Variants in CORO2B observed in about 807,000 individuals in gnomAD.
CORO2B encodes coronin-2B.
Under a neutral mutation model 58.8 loss-of-function variants are expected in CORO2B, and 26 were observed. The observed-to-expected ratio is 0.44, with a 90% CI of 0.32 to 0.61. CORO2B has a LOEUF of 0.61. Among genes scored for constraint, CORO2B ranks in the 20% least tolerant of loss-of-function variants. CORO2B has a pLI of 0.04. For missense variants in CORO2B, 460 were observed against 645.1 expected, an observed-to-expected ratio of 0.71 and a Z score of 3.11; for synonymous variants, 242 against 253.8, an observed-to-expected ratio of 0.95 and a Z score of 0.44.
At position 68,631,965 on chromosome 15, in the gene CORO2B, G is replaced by A. The variant is rs139869174; in HGVS notation, c.16-13195G>A. ...TGCCATCCCTCAGCATCGCTGGAGT[G>A]GGCTCTCTCTTGGTTGCTAGCAACA... On this transcript the variant is annotated intron_variant, in intron 1 of 11. Transcript: ENST00000261861. 12 of 985,456 alleles carry A rather than the reference G, an allele frequency of 1.2e-5. No homozygotes were observed. In the African/African-American group the frequency reaches 1.2e-4, roughly 10 times the overall value. The allele number at this position is 985,456 out of a possible 1,614,324, so 61.0% of individuals were successfully genotyped here.
intron 1 of CORO2B, among the ~76,000 whole-genome samples, chr15:68,587,047 TATACACAC>T (rs1239285658): frequency 0.2 from 28,296 of 141,652 alleles, 3,410 homozygotes; most frequent in East Asian, 0.36. Context: ...GGGAGATATG[TATACACAC>T]ACACACACAC....
chr15:68,522,509 GCA>G, the CORO2B span, among the ~76,000 whole-genome samples: 3 of 151,998 alleles, frequency 2.0e-5, no homozygotes, highest in Non-Finnish European at 4.4e-5. Context: ...GAGTGCAGTG[GCA>G]CAGTCTCAGC....
the CORO2B span, among the ~76,000 whole-genome samples, chr15:68,565,323 A>T: frequency 6.6e-6 from 1 of 151,062 alleles, no homozygotes; most frequent in Non-Finnish European, 1.5e-5. Context: ...ATTTAAAAAA[A>T]TTTTTATTGG....
chr15:68,521,916 C>T, the CORO2B span, among the ~76,000 whole-genome samples: 1,035 of 152,144 alleles, frequency 6.8e-3, 11 homozygotes, highest in Non-Finnish European at 8.4e-3. Context: ...GAAAAAAATA[C>T]GAAAGCCTCT....
chr15:68,671,707 C>T (rs999961002), intron 2 of CORO2B, among the ~76,000 whole-genome samples: 2 of 152,226 alleles, frequency 1.3e-5, no homozygotes, highest in African/African-American at 4.8e-5. Context: ...GTCCCTCACA[C>T]CTGGTCTCTC....
chr15:68,681,282 A>G (rs1176007337), intron 2 of CORO2B, among the ~76,000 whole-genome samples: 1 of 151,936 alleles, frequency 6.6e-6, no homozygotes, highest in Non-Finnish European at 1.5e-5. Flanking sequence ...TGTGAAGTGC[A>G]CTAAATCGTC....
At chr15:68,606,060 GA>G (rs141779644) in intron 1 of CORO2B, among the ~76,000 whole-genome samples, 1,891 of 152,130 alleles carry the variant, frequency 0.012, 39 homozygotes, top group African/African-American at 0.042. Context: ...CTGGGTGGGT[GA>G]AGCCTCGTTT....
At chr15:68,604,956 A>G (rs1900070495) in intron 1 of CORO2B, among the ~76,000 whole-genome samples, 5 of 152,044 alleles carry the variant, frequency 3.3e-5, no homozygotes, top group Non-Finnish European at 7.4e-5. Context: ...TCTACTAAAA[A>G]CACAAAAATT....
intron 2 of CORO2B, among the ~76,000 whole-genome samples, chr15:68,677,838 T>C (rs1902638406): frequency 6.6e-6 from 1 of 152,200 alleles, no homozygotes. Flanking sequence ...TCACCATAGC[T>C]GGGTGGCCAA....
At chr15:68,577,577 C>T (rs536436401), upstream of CORO2B, among the ~76,000 whole-genome samples, 2 of 152,010 alleles carry the variant, frequency 1.3e-5, no homozygotes, top group East Asian at 1.9e-4. Flanking sequence ...AAAAATTAGC[C>T]GGGCGTGGTA....
chr15:68,709,457 G>A (rs940167806), intron 3 of CORO2B, among the ~76,000 whole-genome samples: 16 of 92,164 alleles, frequency 1.7e-4, no homozygotes, highest in South Asian at 4.1e-4. Flanking sequence ...TTTTTTTTTC[G>A]TGTTTTTTTT....
intron 2 of CORO2B, among the ~76,000 whole-genome samples, chr15:68,646,124 C>T (rs942845565): frequency 1.3e-5 from 2 of 152,002 alleles, no homozygotes; most frequent in African/African-American, 4.8e-5. Context: ...AAATAATTTA[C>T]CTTCTTCCCC....
chr15:68,726,111 C>T lies in CORO2B; in HGVS notation c.*137C>T, dbSNP rs1207185356. 7.7e-6 allele frequency: 9 copies of T among 1,164,936 alleles called. No individual in the cohort carries two copies. In the East Asian group the frequency reaches 1.6e-4, roughly 20 times the overall value. The allele number at this position is 1,164,936 out of a possible 1,614,324, so 72.2% of individuals were successfully genotyped here. On this transcript the variant is annotated 3_prime_UTR_variant, in exon 12 of 12. Coordinates refer to ENST00000261861, the MANE Select transcript of CORO2B (RefSeq NM_006091.5). Reference sequence around the variant, plus strand: ...GCCTGAGGACCCCCGCCTACCACCTCGAGAACTGGAAGCCAACCTCTAACC... The same window carrying T: ...GCCTGAGGACCCCCGCCTACCACCTTGAGAACTGGAAGCCAACCTCTAACC...
At chr15:68,620,310 C>G (rs956193341) in intron 1 of CORO2B, among the ~76,000 whole-genome samples, 2 of 152,146 alleles carry the variant, frequency 1.3e-5, no homozygotes, top group African/African-American at 2.4e-5. Flanking sequence ...GATGTTTGTA[C>G]AGATATTTAA....
At chr15:68,593,880 GAGAGA>G (rs971225607) in intron 1 of CORO2B, among the ~76,000 whole-genome samples, 12 of 152,068 alleles carry the variant, frequency 7.9e-5, no homozygotes, top group African/African-American at 1.7e-4. Flanking sequence ...TGAGAAGGGC[GAGAGA>G]AGAGAAGAGA....
rs541325448 is a variant in CORO2B, at chr15:68,715,168, C to T, written c.871-47C>T. On this transcript the variant is annotated intron_variant, in intron 7 of 11. Transcript: ENST00000261861. The stretch of plus-strand genomic sequence containing the variant: ...GCTCCTGGGACCAGGCCCTGCTCTG[C>T]CCTCCCTACCTGCCACCTTCCTCAA... The T allele has an allele frequency of 3.6e-5, 56 of 1,540,508 alleles. No individual in the cohort carries two copies. The East Asian group carries it at 1.2e-3, about 33-fold the overall frequency.
the CORO2B span, among the ~76,000 whole-genome samples, chr15:68,573,028 C>G: frequency 1.3e-5 from 2 of 152,140 alleles, no homozygotes; most frequent in Non-Finnish European, 2.9e-5. Flanking sequence ...GACACACACC[C>G]ACACACACTT....
At chr15:68,544,729 T>A in the CORO2B span, among the ~76,000 whole-genome samples, 6 of 151,912 alleles carry the variant, frequency 3.9e-5, no homozygotes, top group South Asian at 4.2e-4. Flanking sequence ...CAGCCCCAGG[T>A]CTCTGCCTTC....
intron 1 of CORO2B, among the ~76,000 whole-genome samples, chr15:68,634,015 G>A (rs2140262907): frequency 6.6e-6 from 1 of 152,376 alleles, no homozygotes; most frequent in East Asian, 1.9e-4. Flanking sequence ...CATGTCACAG[G>A]CAGGGAGCCT....
Sources: allele counts gnomAD v4.1 joint callset (sites outside exome capture counted in the v4.1 genomes callset), GRCh38; gene constraint gnomAD v4.1.1; transcripts MANE v1.5; gene names NCBI Gene and HGNC (gene_info 2026-07-23, HGNC 2026-07-21).